CSMD3: variants seen among roughly 807,000 people sequenced by gnomAD.
CSMD3 encodes CUB and sushi domain-containing protein 3.
In CSMD3, 177 loss-of-function variants were observed where a neutral mutation model predicts 435.2. The observed-to-expected ratio is 0.41, with a 90% CI of 0.36 to 0.46. The LOEUF is 0.46. Among genes scored for constraint, CSMD3 ranks in the 20% least tolerant of loss-of-function variants. The pLI, the probability that CSMD3 is intolerant of heterozygous loss-of-function variation, is 0.34. For synonymous variants in CSMD3, 1,656 were observed against 1,520.5 expected (o/e 1.09, Z -2.07); for missense variants, 4,265 against 4,504.6 (o/e 0.95, Z 1.52).
At chr8:112,703,647 AAG>A (rs2131886615) in intron 13 of CSMD3, among the ~76,000 whole-genome samples, 1 of 152,268 alleles carries the variant, frequency 6.6e-6, no homozygotes, top group South Asian at 2.1e-4. Flanking sequence ...TGTAGGTTAA[AAG>A]AGAGTGATCT....
chr8:113,366,250 T>A (rs1389857729), intron 1 of CSMD3, among the ~76,000 whole-genome samples: 1 of 151,994 alleles, frequency 6.6e-6, no homozygotes, highest in Non-Finnish European at 1.5e-5. Context: ...CTTCCATACC[T>A]CACCAAAGAG....
intron 5 of CSMD3, among the ~76,000 whole-genome samples, chr8:113,096,441 C>T (rs1381179803): frequency 6.6e-6 from 1 of 152,068 alleles, no homozygotes; most frequent in African/African-American, 2.4e-5. Flanking sequence ...TTAGCCTCAC[C>T]TCCACTGCTA....
intron 5 of CSMD3, among the ~76,000 whole-genome samples, chr8:113,088,265 C>G (rs1588049149): frequency 6.6e-6 from 1 of 151,116 alleles, no homozygotes; most frequent in South Asian, 2.1e-4. Flanking sequence ...GTTGGTGGGA[C>G]TGTAAACTAG....
At chr8:112,838,539 A>G (rs1043365163) in intron 11 of CSMD3, among the ~76,000 whole-genome samples, 1 of 151,762 alleles carries the variant, frequency 6.6e-6, no homozygotes, top group African/African-American at 2.4e-5. Flanking sequence ...TCTTTGCTCT[A>G]AATTAAAATA....
chr8:112,618,421 C>CT (rs747982294), intron 22 of CSMD3, among the ~76,000 whole-genome samples: 1 of 152,020 alleles, frequency 6.6e-6, no homozygotes, highest in Non-Finnish European at 1.5e-5. Context: ...GAAGGCACAA[C>CT]TTTTTTGTAG....
At chr8:113,159,302 C>T (rs1376386565) in intron 4 of CSMD3, among the ~76,000 whole-genome samples, 2 of 151,794 alleles carry the variant, frequency 1.3e-5, no homozygotes, top group Admixed American at 6.6e-5. Flanking sequence ...TGTTTATAGA[C>T]ATATAAATAT....
intron 15 of CSMD3, among the ~76,000 whole-genome samples, chr8:112,683,613 G>A (rs2131793739): frequency 6.6e-6 from 1 of 152,056 alleles, no homozygotes; most frequent in East Asian, 1.9e-4. Flanking sequence ...ATTCATCTGA[G>A]TGACCAATTG....
At chr8:112,663,418 T>C (rs970173817) in intron 17 of CSMD3, among the ~76,000 whole-genome samples, 4 of 133,800 alleles carry the variant, frequency 3.0e-5, no homozygotes, top group Non-Finnish European at 4.6e-5. Context: ...TCCTCACTTA[T>C]AGGTGGGAAT....
intron 1 of CSMD3, among the ~76,000 whole-genome samples, chr8:113,407,854 G>A (rs2094539642): frequency 6.6e-6 from 1 of 152,070 alleles, no homozygotes; most frequent in South Asian, 2.1e-4. Flanking sequence ...GAAGTAACAT[G>A]TCAGTAATTT....
At chr8:112,750,565 A>C (rs2132100436) in intron 13 of CSMD3, among the ~76,000 whole-genome samples, 1 of 152,180 alleles carries the variant, frequency 6.6e-6, no homozygotes. Context: ...TGACTGCATA[A>C]AAGATAAGTA....
At chr8:112,683,456 C>T (rs527441635) in intron 15 of CSMD3, among the ~76,000 whole-genome samples, 1 of 152,064 alleles carries the variant, frequency 6.6e-6, no homozygotes, top group South Asian at 2.1e-4. Context: ...AGTTCTTGAG[C>T]TCAGGGCCAC....
At chr8:112,881,766 C>A (rs900823740) in intron 10 of CSMD3, among the ~76,000 whole-genome samples, 1 of 151,782 alleles carries the variant, frequency 6.6e-6, no homozygotes, top group African/African-American at 2.4e-5. Context: ...AAGACCTTTA[C>A]AAAGGGAAAT....
intron 1 of CSMD3, among the ~76,000 whole-genome samples, chr8:113,342,820 C>T (rs1173468892): frequency 6.6e-6 from 1 of 151,724 alleles, no homozygotes; most frequent in African/African-American, 2.4e-5. Context: ...TAGCACTCTT[C>T]TAAGGAAGAT....
intron 13 of CSMD3, among the ~76,000 whole-genome samples, chr8:112,727,600 T>C (rs1168343486): frequency 6.6e-6 from 1 of 151,716 alleles, no homozygotes; most frequent in African/African-American, 2.4e-5. Flanking sequence ...ATACTGACCA[T>C]CAGCCTATAT....
At chr8:112,956,323 T>C (rs1215272912) in intron 7 of CSMD3, among the ~76,000 whole-genome samples, 1 of 152,054 alleles carries the variant, frequency 6.6e-6, no homozygotes, top group East Asian at 1.9e-4. Context: ...CCCACCCCGA[T>C]GGTAACCTAA....
At chr8:113,291,804 C>T (rs1420574950) in intron 2 of CSMD3, among the ~76,000 whole-genome samples, 1 of 151,678 alleles carries the variant, frequency 6.6e-6, no homozygotes, top group Admixed American at 6.6e-5. Context: ...GTGTATTCTA[C>T]ACAAAAAAAC....
At chr8:112,484,566 G>A (rs1230001832) in intron 31 of CSMD3, among the ~76,000 whole-genome samples, 4 of 151,700 alleles carry the variant, frequency 2.6e-5, no homozygotes, top group Admixed American at 2.6e-4. Flanking sequence ...AGGTACATTT[G>A]AGGTCTCACT....
intron 1 of CSMD3, among the ~76,000 whole-genome samples, chr8:113,435,913 C>T (rs2094703244): frequency 6.6e-6 from 1 of 152,004 alleles, no homozygotes; most frequent in Admixed American, 6.6e-5. Context: ...CCCACCTACC[C>T]CCTCCCCTAT....
At chr8:112,676,084 G>T (rs2131747946) in intron 16 of CSMD3, among the ~76,000 whole-genome samples, 1 of 152,256 alleles carries the variant, frequency 6.6e-6, no homozygotes, top group South Asian at 2.1e-4. Flanking sequence ...AGTGACAACA[G>T]CAGGTTTAGA....
Sources: gnomAD v4.1 joint callset for allele counts (sites outside exome capture counted in the v4.1 genomes callset) on GRCh38, gnomAD v4.1.1 for gene constraint, MANE v1.5 for transcripts, NCBI Gene and HGNC (gene_info 2026-07-23, HGNC 2026-07-21) for gene names.